PAFAH1B1: variants seen among roughly 807,000 people sequenced by gnomAD.
PAFAH1B1 encodes the protein platelet activating factor acetylhydrolase 1b regulatory subunit 1, also known as platelet-activating factor acetylhydrolase IB subunit beta.
PAFAH1B1 carries 2 observed loss-of-function variants against 57.5 expected under a neutral mutation model. That is an observed-to-expected ratio of 0.03 (90% CI 0.01 to 0.11). PAFAH1B1 has a LOEUF of 0.11. Among genes scored for constraint, PAFAH1B1 ranks in the 10% least tolerant of loss-of-function variants. PAFAH1B1 has a pLI of 1.00. For missense variants in PAFAH1B1, 257 were observed against 512.0 expected (o/e 0.50, Z 4.81); for synonymous variants, 152 against 169.6 (o/e 0.90, Z 0.81).
intron 1 of PAFAH1B1, among the ~76,000 whole-genome samples, chr17:2,632,179 T>C (rs2068564080): frequency 6.6e-6 from 1 of 152,240 alleles, no homozygotes; most frequent in South Asian, 2.1e-4. Context: ...TCCTCCTGCC[T>C]TGGCCTCCCG....
intron 1 of PAFAH1B1, among the ~76,000 whole-genome samples, chr17:2,621,214 C>G (rs1415165928): frequency 2.6e-5 from 4 of 152,028 alleles, no homozygotes; most frequent in Admixed American, 2.6e-4. Context: ...TGCTGATTCT[C>G]TCCCTCCTAC....
At chr17:2,596,027 G>A (rs969338513) in intron 1 of PAFAH1B1, among the ~76,000 whole-genome samples, 2 of 152,128 alleles carry the variant, frequency 1.3e-5, no homozygotes, top group Non-Finnish European at 2.9e-5. Flanking sequence ...GATATGAATG[G>A]TTGCTACAAC....
At chr17:2,596,267 AAATT>A (rs1281763059) in intron 1 of PAFAH1B1, among the ~76,000 whole-genome samples, 2 of 152,216 alleles carry the variant, frequency 1.3e-5, no homozygotes, top group East Asian at 1.9e-4. Flanking sequence ...ATATAAGTAT[AAATT>A]AATGTCAGAA....
chr17:2,609,832 A>G (rs1350082896), intron 1 of PAFAH1B1, among the ~76,000 whole-genome samples: 1 of 151,286 alleles, frequency 6.6e-6, no homozygotes, highest in African/African-American at 2.4e-5. Flanking sequence ...ATTTTAATAT[A>G]TATATATTTT....
intron 1 of PAFAH1B1, among the ~76,000 whole-genome samples, chr17:2,624,197 C>T (rs938124911): frequency 2.6e-5 from 4 of 152,132 alleles, no homozygotes; most frequent in African/African-American, 7.2e-5. Flanking sequence ...TTGTTCATAT[C>T]ACCATCAGCA....
Position 2,673,736 on chromosome 17 carries a change from A to G in PAFAH1B1, c.672-324A>G, listed in dbSNP as rs1224999895. 1.0e-5 allele frequency: 3 copies of G among 298,612 alleles called. No homozygotes were observed. The East Asian group carries it at 2.3e-4, about 23-fold the overall frequency. 18.5% of individuals were successfully genotyped at this position (298,612 alleles called of 1,614,324 possible). On this transcript the variant is annotated intron_variant, in intron 7 of 10. Transcript: ENST00000397195. Reference sequence around the variant, plus strand: ...GAATTACACTTGATTTTTGTAGTACAAAGTTACTAGTTTTACTCAGATTAG... The same window carrying G: ...GAATTACACTTGATTTTTGTAGTACGAAGTTACTAGTTTTACTCAGATTAG...
chr17:2,621,084 CTG>C (rs1329422774), intron 1 of PAFAH1B1, among the ~76,000 whole-genome samples: 5 of 151,254 alleles, frequency 3.3e-5, no homozygotes, highest in Non-Finnish European at 7.4e-5. Context: ...TAAAAATCTT[CTG>C]TCTCATAAAT....
At chr17:2,675,286 AGCCACTGT>A (rs2069244886) in intron 8 of PAFAH1B1, among the ~76,000 whole-genome samples, 1 of 152,228 alleles carries the variant, frequency 6.6e-6, no homozygotes, top group African/African-American at 2.4e-5. Flanking sequence ...TACAGGTGTG[AGCCACTGT>A]GCCTGGCTTC....
At chr17:2,652,373 C>T (rs935701024) in intron 2 of PAFAH1B1, among the ~76,000 whole-genome samples, 2 of 152,214 alleles carry the variant, frequency 1.3e-5, no homozygotes, top group African/African-American at 4.8e-5. Flanking sequence ...CAAGATCGCG[C>T]CACTGCACTC....
intron 1 of PAFAH1B1, among the ~76,000 whole-genome samples, chr17:2,598,660 C>T (rs565918145): frequency 1.1e-4 from 16 of 148,926 alleles, no homozygotes; most frequent in Non-Finnish European, 1.6e-4. Context: ...GTATACAATA[C>T]GAGTTCTGAA....
At chr17:2,629,310 T>G (rs2068529400) in intron 1 of PAFAH1B1, among the ~76,000 whole-genome samples, 2 of 152,196 alleles carry the variant, frequency 1.3e-5, no homozygotes, top group African/African-American at 4.8e-5. Flanking sequence ...GTCATTCAGT[T>G]CAAAGAATTT....
chr17:2,622,387 G>A (rs1275527319), intron 1 of PAFAH1B1, among the ~76,000 whole-genome samples: 3 of 152,162 alleles, frequency 2.0e-5, no homozygotes, highest in Admixed American at 1.3e-4. Flanking sequence ...TATAGGTATT[G>A]GGTAAATGCA....
In PAFAH1B1 at chr17:2,652,392, G is replaced by A. The variant is rs1479468876; in HGVS notation, c.33-12980G>A. 2.6e-5 allele frequency among the ~76,000 whole-genome samples: 4 copies of A among 152,264 alleles called. No individual in the cohort carries two copies. The East Asian group carries it at 7.7e-4, about 29-fold the overall frequency. On this transcript the variant is annotated intron_variant, in intron 2 of 10. Coordinates refer to ENST00000397195, the MANE Select transcript of PAFAH1B1 (RefSeq NM_000430.4). ...ATCGCGCCACTGCACTCCAGCCTGG[G>A]CGGCAGAGCGAGACTCCGTCTCAAA...
chr17:2,608,933 G>A (rs1185978314), intron 1 of PAFAH1B1, among the ~76,000 whole-genome samples: 1 of 152,070 alleles, frequency 6.6e-6, no homozygotes, highest in African/African-American at 2.4e-5. Flanking sequence ...GTTTTCTTCC[G>A]TCTCTTCAAC....
chr17:2,623,595 T>G lies in PAFAH1B1; in HGVS notation c.-190-14504T>G, dbSNP rs1043767052. ...TTTTTTTTCTATCATATAGTCAGGC[T>G]GCAAATTTTCTAAACTTTCATGCTC... On this transcript the variant is annotated intron_variant, in intron 1 of 10. Coordinates refer to ENST00000397195, the MANE Select transcript of PAFAH1B1 (RefSeq NM_000430.4). Among the ~76,000 whole-genome samples the G allele has an allele frequency of 2.7e-5, 4 of 149,420 alleles. No homozygotes were observed. The East Asian group carries it at 6.1e-4, about 23-fold the overall frequency.
intron 2 of PAFAH1B1, among the ~76,000 whole-genome samples, chr17:2,653,609 G>C (rs2068896858): frequency 1.3e-5 from 2 of 152,194 alleles, no homozygotes; most frequent in East Asian, 3.9e-4. Flanking sequence ...TCCAGGGACT[G>C]TTTGCACTGT....
chr17:2,626,655 A>G (rs558961423), intron 1 of PAFAH1B1, among the ~76,000 whole-genome samples: 10 of 144,694 alleles, frequency 6.9e-5, no homozygotes, highest in African/African-American at 2.5e-4. Context: ...CCCTGGTTCA[A>G]GCAATTCAAC....
At chr17:2,593,564 G>A (rs1433204988), upstream of PAFAH1B1, among the ~76,000 whole-genome samples, 1 of 150,304 alleles carries the variant, frequency 6.7e-6, no homozygotes, top group African/African-American at 2.4e-5. Context: ...CCCGGCGCCC[G>A]CCCCTCCCTC....
chr17:2,660,995 A>G (rs974699500), intron 2 of PAFAH1B1, among the ~76,000 whole-genome samples: 1 of 152,108 alleles, frequency 6.6e-6, no homozygotes, highest in Non-Finnish European at 1.5e-5. Flanking sequence ...CATTTCTCTA[A>G]TGATCAGTGA....
Sources: gnomAD v4.1 joint callset for allele counts (sites outside exome capture counted in the v4.1 genomes callset) on GRCh38, gnomAD v4.1.1 for gene constraint, MANE v1.5 for transcripts, NCBI Gene and HGNC (gene_info 2026-07-23, HGNC 2026-07-21) for gene names.